FAR1: variants seen among roughly 807,000 people sequenced by gnomAD.
The protein encoded by FAR1 is male sterility domain-containing protein 2.
In FAR1, 22 loss-of-function variants were observed where a neutral mutation model predicts 61.1. The observed-to-expected ratio is 0.36, with a 90% CI of 0.26 to 0.51. FAR1 has a LOEUF of 0.51. FAR1 is among the 20% of genes least tolerant of loss of function. FAR1 has a pLI of 0.95. For synonymous variants in FAR1, 206 were observed against 209.7 expected, an observed-to-expected ratio of 0.98 and a Z score of 0.15; for missense variants, 359 against 626.9, an observed-to-expected ratio of 0.57 and a Z score of 4.56.
In FAR1 at chr11:13,728,776, G is replaced by A; in HGVS notation, c.*2G>A. Reference sequence around the variant, plus strand: ...GCATCCAGCACTATGAGATACTGAAGACCAAGGATTCAGCATTAGAACATC... The same window carrying A: ...GCATCCAGCACTATGAGATACTGAAAACCAAGGATTCAGCATTAGAACATC... On this transcript the variant is annotated 3_prime_UTR_variant, in exon 12 of 12. Coordinates refer to ENST00000354817, the MANE Select transcript of FAR1 (RefSeq NM_032228.6). The A allele has an allele frequency of 6.2e-7, 1 of 1,609,552 alleles. No individual in the cohort carries two copies.
Position 13,700,468 on chromosome 11 carries a change from C to T in FAR1, c.341C>T (p.Thr114Ile), listed in dbSNP as rs1261799277. 1 of 1,513,858 alleles carries T rather than the reference C, an allele frequency of 6.6e-7. No individual in the cohort carries two copies. Among genetic ancestry groups the T allele is most frequent in the Non-Finnish European group, 8.8e-7 (1 of 1,136,206 alleles). The allele number at this position is 1,513,858 out of a possible 1,614,324, so 93.8% of individuals were successfully genotyped here. A position where few individuals can be genotyped will look rare whatever the true frequency, so the allele number is the denominator to read the frequency against. Residue 114 changes from threonine to isoleucine, a missense_variant, in exon 3 of 12, where the codon ACA becomes ATA. Physicochemically the swap from Thr to Ile is moderately conservative, Grantham distance 89. Around this residue, in one of 2 missense-constraint regions of FAR1, gnomAD observed 344 missense variants for 570.3 expected, o/e 0.60. Transcript: ENST00000354817. ...STNIIFHCAATVRFNENLRDA... is the reference protein window; with the variant it reads ...STNIIFHCAAIVRFNENLRDA... The stretch of plus-strand genomic sequence containing the variant: ...AATATTATATTCCACTGTGCAGCTA[C>T]AGTAAGGTTTAATGAAAATTTAAGG...
At chr11:13,711,340 G>T (rs746293322) in intron 5 of FAR1, among the ~76,000 whole-genome samples, 1 of 152,120 alleles carries the variant, frequency 6.6e-6, no homozygotes, top group Non-Finnish European at 1.5e-5. Flanking sequence ...GATAGCATCT[G>T]TTGTTGCTTT....
chr11:13,668,957 A>G (rs1422306032), intron 1 of FAR1, among the ~76,000 whole-genome samples, 151 bp downstream of exon 1: 1 of 149,398 alleles, frequency 6.7e-6, no homozygotes, highest in Non-Finnish European at 1.5e-5. Flanking sequence ...GGGTACGCCC[A>G]GAAGTGAGGG....
intron 1 of FAR1, among the ~76,000 whole-genome samples, chr11:13,671,800 G>A (rs1848007861): frequency 1.3e-5 from 2 of 152,194 alleles, no homozygotes; most frequent in Admixed American, 1.3e-4. Context: ...AATGTTAATT[G>A]AGCATCTGCT....
intron 2 of FAR1, among the ~76,000 whole-genome samples, chr11:13,695,601 T>A (rs1246574432): frequency 1.3e-5 from 2 of 152,192 alleles, no homozygotes; most frequent in Non-Finnish European, 2.9e-5. Flanking sequence ...AAGCTCAATT[T>A]TGGTACACAT....
intron 1 of FAR1, among the ~76,000 whole-genome samples, chr11:13,679,082 G>A (rs1848098228): frequency 1.3e-5 from 2 of 151,960 alleles, no homozygotes. Context: ...TAAATCTTCA[G>A]GTATATTGTG....
chr11:13,714,782 C>CTAT (rs1348025606), intron 9 of FAR1, 102 bp downstream of exon 9: 8 of 1,031,492 alleles, frequency 7.8e-6, no homozygotes, highest in Non-Finnish European at 1.1e-5. Flanking sequence ...TATGATAAGG[C>CTAT]TTAATAGCCT....
intron 9 of FAR1, among the ~76,000 whole-genome samples, chr11:13,716,812 T>C (rs957246554): frequency 6.6e-6 from 1 of 152,162 alleles, no homozygotes; most frequent in Non-Finnish European, 1.5e-5. Context: ...TTAAAAATAC[T>C]TCAAGTTCTA....
intron 2 of FAR1, among the ~76,000 whole-genome samples, chr11:13,695,996 G>T (rs767740125): frequency 4.0e-5 from 6 of 151,836 alleles, no homozygotes; most frequent in Non-Finnish European, 7.4e-5. Flanking sequence ...TTTTCTCTCT[G>T]ATTCTTTGCT....
At chr11:13,684,482 G>A (rs1284089601) in intron 1 of FAR1, among the ~76,000 whole-genome samples, 1 of 152,312 alleles carries the variant, frequency 6.6e-6, no homozygotes, top group Admixed American at 6.5e-5. Flanking sequence ...ATGCTATAAG[G>A]TGGAGTTGGG....
chr11:13,700,677 T>G (rs1052834074), intron 3 of FAR1, 185 bp downstream of exon 3: 10 of 354,382 alleles, frequency 2.8e-5, no homozygotes, highest in Non-Finnish European at 5.0e-5. Flanking sequence ...TTTAAAAATC[T>G]TGGATAACTA....
intron 3 of FAR1, among the ~76,000 whole-genome samples, chr11:13,706,935 T>A (rs1848438817): frequency 6.6e-6 from 1 of 152,196 alleles, no homozygotes; most frequent in African/African-American, 2.4e-5. Context: ...GTGCTTCAGT[T>A]TATGTCCTGA....
intron 1 of FAR1, chr11:13,670,072 A>G (rs1050489477): frequency 1.3e-5 from 2 of 152,128 alleles, no homozygotes; most frequent in Non-Finnish European, 2.9e-5. Context: ...TTTCAAATTA[A>G]TTTAAAAAGT....
intron 1 of FAR1, among the ~76,000 whole-genome samples, chr11:13,688,697 T>C (rs892122227): frequency 4.6e-5 from 7 of 152,260 alleles, no homozygotes; most frequent in Admixed American, 3.3e-4. Flanking sequence ...GATCTAGGTA[T>C]GTTCTCAGTA....
At chr11:13,711,626 TG>T in intron 5 of FAR1, 137 bp from the exon 6 acceptor site, 1 of 682,710 alleles carries the variant, frequency 1.5e-6, no homozygotes, top group Non-Finnish European at 2.6e-6. Flanking sequence ...AGAAATAGTC[TG>T]GCCTGAATCT....
At chr11:13,686,671 GATT>G (rs1848189853) in intron 1 of FAR1, 1 of 151,882 alleles carries the variant, frequency 6.6e-6, no homozygotes, top group African/African-American at 2.4e-5. Context: ...ACACTTTTCT[GATT>G]ATTGGAATAC....
intron 2 of FAR1, among the ~76,000 whole-genome samples, chr11:13,699,991 A>C (rs956131708): frequency 2.0e-5 from 3 of 152,154 alleles, no homozygotes; most frequent in African/African-American, 7.2e-5. Context: ...ATATTGCTGA[A>C]GTCTATTCTG....
chr11:13,692,941 G>C (rs1388761820), intron 1 of FAR1, among the ~76,000 whole-genome samples: 1 of 152,090 alleles, frequency 6.6e-6, no homozygotes, highest in African/African-American at 2.4e-5. Context: ...AATATCTGGT[G>C]ATCCGTGGTT....
At chr11:13,705,287 A>G (rs189886668) in intron 3 of FAR1, among the ~76,000 whole-genome samples, 210 of 152,178 alleles carry the variant, frequency 1.4e-3, no homozygotes, top group African/African-American at 4.6e-3. Flanking sequence ...CTGAAGGTCA[A>G]TGGAGTAGAA....
Sources: allele counts gnomAD v4.1 joint callset (sites outside exome capture counted in the v4.1 genomes callset), GRCh38; gene constraint gnomAD v4.1.1; regional missense constraint gnomAD v4.1.1; transcripts MANE v1.5; gene names NCBI Gene and HGNC (gene_info 2026-07-23, HGNC 2026-07-21).